Variants in NTM observed in about 807,000 individuals in gnomAD.
The protein encoded by NTM is neurotrimin, also known as IgLON family member 2.
NTM carries 13 observed loss-of-function variants against 42.1 expected under a neutral mutation model. The ratio of observed to expected loss-of-function variants is 0.31; its 90% CI spans 0.20 to 0.49. The LOEUF (loss-of-function observed/expected upper bound fraction) is 0.49. Ranked by LOEUF, NTM falls within the 20% of genes least tolerant of loss-of-function variation. The probability of loss-of-function intolerance (pLI) is 0.99; values close to 1 mark genes in which losing one functional copy is unlikely to be tolerated. For missense variants in NTM, 373 were observed against 452.8 expected, an observed-to-expected ratio of 0.82 and a Z score of 1.60; for synonymous variants, 187 against 179.2, an observed-to-expected ratio of 1.04 and a Z score of -0.35.
chr11:131,452,584 C>G (rs1235464531), intron 1 of NTM, among the ~76,000 whole-genome samples: 1 of 152,134 alleles, frequency 6.6e-6, no homozygotes, highest in Non-Finnish European at 1.5e-5. Context: ...GGGAAAATGT[C>G]CTCTGCATGA....
At chr11:132,090,036 A>T (rs746941266) in intron 2 of NTM, among the ~76,000 whole-genome samples, 15 of 152,086 alleles carry the variant, frequency 9.9e-5, no homozygotes, top group Non-Finnish European at 1.5e-4. Flanking sequence ...ATATTGTTTC[A>T]TGTCATCCTC....
At chr11:131,875,810 T>C (rs1031007633) in intron 1 of NTM, among the ~76,000 whole-genome samples, 9 of 152,136 alleles carry the variant, frequency 5.9e-5, no homozygotes, top group Non-Finnish European at 1.3e-4. Flanking sequence ...TCTTTCCCAC[T>C]CATGTCTTTG....
intron 1 of NTM, among the ~76,000 whole-genome samples, chr11:131,463,048 G>A (rs768152899): frequency 3.9e-5 from 6 of 152,246 alleles, no homozygotes; most frequent in South Asian, 4.2e-4. Context: ...AGCAATTGCC[G>A]GCCCTTTAGA....
chr11:132,278,467 G>T (rs961450592), intron 4 of NTM, among the ~76,000 whole-genome samples: 1 of 152,176 alleles, frequency 6.6e-6, no homozygotes, highest in East Asian at 1.9e-4. Flanking sequence ...AGTAGTCTTT[G>T]TGCATAGCCT....
intron 1 of NTM, among the ~76,000 whole-genome samples, chr11:131,738,134 A>T (rs1308732509): frequency 6.6e-6 from 1 of 152,120 alleles, no homozygotes; most frequent in Non-Finnish European, 1.5e-5. Flanking sequence ...ATGGGGATGG[A>T]TGGCCGGGGC....
At chr11:131,619,487 A>C (rs2062299472) in intron 1 of NTM, among the ~76,000 whole-genome samples, 1 of 152,210 alleles carries the variant, frequency 6.6e-6, no homozygotes, top group African/African-American at 2.4e-5. Context: ...AGGAAGGAAA[A>C]GCAGAAAGAA....
At chr11:132,300,627 G>A (rs185173476) in intron 4 of NTM, among the ~76,000 whole-genome samples, 1 of 152,318 alleles carries the variant, frequency 6.6e-6, no homozygotes, top group East Asian at 1.9e-4. Context: ...AACACTGATG[G>A]TTTCACCCTG....
chr11:131,395,107 C>T (rs1944410884), intron 1 of NTM, among the ~76,000 whole-genome samples: 1 of 152,124 alleles, frequency 6.6e-6, no homozygotes, highest in African/African-American at 2.4e-5. Context: ...TCACATGACC[C>T]CTGCCAGCAC....
intron 1 of NTM, among the ~76,000 whole-genome samples, chr11:131,375,915 C>T (rs911106021): frequency 1.3e-5 from 2 of 152,200 alleles, no homozygotes; most frequent in African/African-American, 4.8e-5. Context: ...TTCTCTCTCC[C>T]TCCTTCCCTC....
At chr11:131,677,258 C>T (rs556449600) in intron 1 of NTM, among the ~76,000 whole-genome samples, 6 of 152,216 alleles carry the variant, frequency 3.9e-5, no homozygotes, top group South Asian at 2.1e-4. Flanking sequence ...TTTGAGTTTG[C>T]GCAGATCACC....
chr11:132,186,804 G>A (rs1384343618), intron 3 of NTM, among the ~76,000 whole-genome samples: 1 of 152,168 alleles, frequency 6.6e-6, no homozygotes, highest in Non-Finnish European at 1.5e-5. Flanking sequence ...AAATGCACCA[G>A]GGATAGGACT....
chr11:131,729,200 G>A (rs777516051), intron 1 of NTM, among the ~76,000 whole-genome samples: 2 of 152,066 alleles, frequency 1.3e-5, no homozygotes, highest in East Asian at 1.9e-4. Flanking sequence ...GTTAATACAC[G>A]TAAAAGATGC....
At chr11:131,373,513 A>G (rs750682970) in intron 1 of NTM, among the ~76,000 whole-genome samples, 13 of 151,792 alleles carry the variant, frequency 8.6e-5, no homozygotes, top group Non-Finnish European at 1.8e-4. Flanking sequence ...AGCACTGATT[A>G]GTGACGCTGA....
At chr11:131,684,071 G>A (rs1020395270) in intron 1 of NTM, among the ~76,000 whole-genome samples, 9 of 152,156 alleles carry the variant, frequency 5.9e-5, no homozygotes, top group African/African-American at 1.9e-4. Flanking sequence ...GAGAATTCAA[G>A]ATCACTTAAC....
intron 1 of NTM, among the ~76,000 whole-genome samples, chr11:131,493,434 C>T (rs1428720208): frequency 1.3e-5 from 2 of 152,132 alleles, no homozygotes; most frequent in Non-Finnish European, 2.9e-5. Context: ...TTTAAGGTGA[C>T]TGAGCAGGTG....
chr11:131,561,794 CCTT>C (rs1243249908), intron 1 of NTM, among the ~76,000 whole-genome samples: 3 of 152,200 alleles, frequency 2.0e-5, no homozygotes, highest in Middle Eastern at 3.2e-3. Flanking sequence ...TCATCATCAT[CCTT>C]CTTCTTCACC....
At chr11:131,713,060 C>G (rs924916521) in intron 1 of NTM, among the ~76,000 whole-genome samples, 1 of 152,064 alleles carries the variant, frequency 6.6e-6, no homozygotes, top group Non-Finnish European at 1.5e-5. Context: ...AGTATTGTGT[C>G]TCACCCTCTG....
intron 1 of NTM, among the ~76,000 whole-genome samples, chr11:131,754,293 A>G: frequency 7.0e-6 from 1 of 141,982 alleles, no homozygotes; most frequent in Admixed American, 6.7e-5. Flanking sequence ...TTAAAAAAAA[A>G]AGAAAAAAGA....
At position 131,608,385 on chromosome 11, in the gene NTM, G is replaced by A. The variant is rs1009240531; in HGVS notation, c.82+237497G>A. ...GTGCTCAGGCTGTCATAGAATAGGT[G>A]TTCAGGAAATCATCCTTCCTTTACC... is the stretch of plus-strand genomic sequence containing the variant. On this transcript the variant is annotated intron_variant, in intron 1 of 8. Transcript: ENST00000683400. Among the ~76,000 whole-genome samples, 8 of 152,228 alleles carry A rather than the reference G, an allele frequency of 5.3e-5. No homozygotes were observed. In the South Asian group the frequency reaches 6.2e-4, roughly 12 times the overall value.
Sources: allele counts gnomAD v4.1 joint callset (sites outside exome capture counted in the v4.1 genomes callset), GRCh38; gene constraint gnomAD v4.1.1; transcripts MANE v1.5; gene names NCBI Gene and HGNC (gene_info 2026-07-23, HGNC 2026-07-21).